VPS13C: variants seen among roughly 807,000 people sequenced by gnomAD.
VPS13C encodes intermembrane lipid transfer protein VPS13C.
Under a neutral mutation model 456.8 loss-of-function variants are expected in VPS13C, and 358 were observed. The ratio of observed to expected loss-of-function variants is 0.78; its 90% confidence interval spans 0.72 to 0.86. VPS13C has a LOEUF of 0.86. Among genes scored for constraint, VPS13C ranks in the 40% least tolerant of loss-of-function variants. The pLI is 0.00. For missense variants in VPS13C, 4,818 were observed against 4,385.4 expected (o/e 1.10, Z -2.79); for synonymous variants, 1,578 against 1,486.7 (o/e 1.06, Z -1.41).
At chr15:61,966,292 A>T (rs921179402) in intron 29 of VPS13C, 150 bp from the exon 30 acceptor site, 14 of 478,040 alleles carry the variant, frequency 2.9e-5, no homozygotes, top group Middle Eastern at 5.8e-4. Context: ...TTAAATTTAC[A>T]TCCAAATAAT....
chr15:62,000,099 C>T (rs1467648849), intron 16 of VPS13C, among the ~76,000 whole-genome samples: 1 of 152,040 alleles, frequency 6.6e-6, no homozygotes, highest in African/African-American at 2.4e-5. Context: ...CAGTGGCTCA[C>T]GCCTGTAATC....
At chr15:61,895,195 C>T (rs185631002) in intron 66 of VPS13C, among the ~76,000 whole-genome samples, 151 of 152,100 alleles carry the variant, frequency 9.9e-4, no homozygotes, top group African/African-American at 3.0e-3. Context: ...TCAAAATCTA[C>T]AGGATACAGC....
intron 21 of VPS13C, among the ~76,000 whole-genome samples, 200 bp downstream of exon 21, chr15:61,982,259 G>C (rs1403837318): frequency 6.6e-6 from 1 of 152,108 alleles, no homozygotes; most frequent in Non-Finnish European, 1.5e-5. Flanking sequence ...AATCATCTGT[G>C]CCCCATATTA....
intron 52 of VPS13C, among the ~76,000 whole-genome samples, chr15:61,926,123 G>A (rs182883928): frequency 2.0e-5 from 3 of 152,304 alleles, no homozygotes. Flanking sequence ...ATGAGGCCAG[G>A]TATGGTAGTG....
chr15:61,992,487 T>C (rs62007791), intron 16 of VPS13C, among the ~76,000 whole-genome samples: 8,989 of 152,196 alleles, frequency 0.059, 334 homozygotes, highest in Non-Finnish European at 0.084. Context: ...TATTTGAAAT[T>C]GGTAGTGAAT....
intron 67 of VPS13C, among the ~76,000 whole-genome samples, chr15:61,884,686 G>GA (rs149321625): frequency 0.052 from 7,765 of 148,220 alleles, 421 homozygotes; most frequent in African/African-American, 0.13. Context: ...GTCTATTAAT[G>GA]AAAAAAAAAA....
At chr15:62,015,856 C>T (rs1207652227) in intron 9 of VPS13C, among the ~76,000 whole-genome samples, 7 of 136,628 alleles carry the variant, frequency 5.1e-5, no homozygotes, top group African/African-American at 8.2e-5. Flanking sequence ...GTGGGTGCAG[C>T]GCACCAGCAT....
intron 42 of VPS13C, among the ~76,000 whole-genome samples, 156 bp from the exon 43 acceptor site, chr15:61,947,465 T>A (rs2044645875): frequency 6.6e-6 from 1 of 152,152 alleles, no homozygotes; most frequent in African/African-American, 2.4e-5. Flanking sequence ...AATTTTGGAA[T>A]AATTATCAAA....
At chr15:61,922,191 T>C (rs1009580010) in intron 54 of VPS13C, among the ~76,000 whole-genome samples, 158 bp from the exon 55 acceptor site, 6 of 152,198 alleles carry the variant, frequency 3.9e-5, no homozygotes, top group African/African-American at 1.4e-4. Flanking sequence ...TTTACTCTCT[T>C]ACTCTATTGT....
intron 82 of VPS13C, among the ~76,000 whole-genome samples, chr15:61,862,157 TA>T (rs1355761907): frequency 7.1e-6 from 1 of 140,360 alleles, no homozygotes; most frequent in Non-Finnish European, 1.6e-5. Flanking sequence ...AGAGAAAAAG[TA>T]AAGGAAAAGG....
intron 27 of VPS13C, 55 bp downstream of exon 27, chr15:61,972,570 C>T: frequency 1.3e-6 from 2 of 1,582,040 alleles, no homozygotes; most frequent in Non-Finnish European, 1.7e-6. Context: ...TTGAGGATAG[C>T]TTACAAGATA....
At chr15:62,028,314 G>A (rs1444304381) in intron 6 of VPS13C, 44 bp downstream of exon 6, 14 of 1,595,812 alleles carry the variant, frequency 8.8e-6, no homozygotes, top group Non-Finnish European at 1.2e-5. Flanking sequence ...GCATACACAA[G>A]AATATGTTTA....
chr15:62,028,395 A>G lies in VPS13C; in HGVS notation c.411T>C (p.Tyr137=). 8.7e-6 allele frequency: 14 copies of G among 1,613,108 alleles called. No individual in the cohort carries two copies. Among genetic ancestry groups the G allele is most frequent in the Non-Finnish European group, 1.1e-5 (13 of 1,179,284 alleles). The change falls in exon 6 of 85, where the codon TAT becomes TAC. Residue 137 remains tyrosine (Y), a synonymous_variant. Coordinates refer to ENST00000644861, the MANE Select transcript of VPS13C (RefSeq NM_020821.3). ...EKGTHSGEFI[Y]GLENFVYKDI... is the part of the protein sequence containing the mutation. ...CCTTGTAAACAAAGTTCTCCAAGCC[A>G]TATATGAACTCCCCTGAATGTGTGC...
chr15:61,856,917 G>T (rs1893948917), intron 82 of VPS13C: 1 of 153,826 alleles, frequency 6.5e-6, no homozygotes, highest in African/African-American at 2.4e-5. Context: ...TGTCAGCAAG[G>T]ATTCACTTGA....
chr15:62,042,256 T>A (rs1011957093), intron 2 of VPS13C, among the ~76,000 whole-genome samples: 6 of 152,150 alleles, frequency 3.9e-5, no homozygotes, highest in African/African-American at 1.4e-4. Flanking sequence ...TTCAAATAAC[T>A]TTTTTTATTC....
intron 66 of VPS13C, among the ~76,000 whole-genome samples, chr15:61,901,783 A>G (rs2043005525): frequency 6.6e-6 from 1 of 152,084 alleles, no homozygotes; most frequent in African/African-American, 2.4e-5. Context: ...AAGGACTATA[A>G]ATCATGCTGC....
At chr15:61,906,992 T>C (rs1328027239) in intron 66 of VPS13C, 1 of 344,772 alleles carries the variant, frequency 2.9e-6, no homozygotes, top group African/African-American at 2.1e-5. Context: ...TTCCTTCCTT[T>C]TAAAATAGGT....
chr15:61,873,355 G>C lies in VPS13C; in HGVS notation c.10469C>G (p.Ala3490Gly), dbSNP rs1895171935. The change falls in exon 78 of 85, where the codon GCA becomes GGA. Residue 3490 changes from alanine (A) to glycine (G), a missense_variant. Physicochemically the swap from Ala to Gly is moderately conservative, Grantham distance 60 (BLOSUM62 0). Coordinates refer to ENST00000644861, the MANE Select transcript of VPS13C (RefSeq NM_020821.3). ...RITGSVGKGL[A>G]AITMDKEYQQ... ...ATATTCCTTGTCCATTGTAATTGCT[G>C]CCAAACCTTTCCCAACAGAACCGGT... 1.9e-6 allele frequency: 3 copies of C among 1,613,578 alleles called. No homozygotes were observed. The highest frequency in any genetic ancestry group is 1.1e-5 in the South Asian group (1 of 91,052).
intron 16 of VPS13C, among the ~76,000 whole-genome samples, chr15:61,995,269 AGTAAGCAAAGCAGGCAAATAGTAGAAGGG>A (rs1239339906): frequency 6.6e-6 from 1 of 152,230 alleles, no homozygotes; most frequent in African/African-American, 2.4e-5. Flanking sequence ...GACTTTGAAA[AGTAAGCAAAGCAGGCAAATAGTAGAAGGG>A]GTCACAATTT....
Sources: gnomAD v4.1 joint callset for allele counts (sites outside exome capture counted in the v4.1 genomes callset) on GRCh38, gnomAD v4.1.1 for gene constraint, MANE v1.5 for transcripts, NCBI Gene and HGNC (gene_info 2026-07-23, HGNC 2026-07-21) for gene names.